The following POU6F2 variants were observed in gnomAD, a reference collection of about 807,000 sequenced individuals.
POU6F2 encodes POU class 6 homeobox 2.
Under a neutral mutation model 71.3 loss-of-function variants are expected in POU6F2, and 31 were observed. That is an observed-to-expected ratio of 0.43 (90% CI 0.33 to 0.59). POU6F2 has a LOEUF of 0.59. Ranked by LOEUF, POU6F2 falls within the 20% of genes least tolerant of loss-of-function variation. The probability of loss-of-function intolerance (pLI) is 0.04; values close to 1 mark genes in which losing one functional copy is unlikely to be tolerated. For synonymous variants in POU6F2, 347 were observed against 355.7 expected (o/e 0.98, Z 0.27); for missense variants, 783 against 856.8 (o/e 0.91, Z 1.07).
chr7:39,141,312 G>T (rs1792495868), intron 2 of POU6F2, among the ~76,000 whole-genome samples: 1 of 152,178 alleles, frequency 6.6e-6, no homozygotes, highest in African/African-American at 2.4e-5. Context: ...TGGGATTTCA[G>T]ATATAAGGAA....
At chr7:39,132,164 G>A (rs748627454) in intron 2 of POU6F2, among the ~76,000 whole-genome samples, 11 of 152,146 alleles carry the variant, frequency 7.2e-5, no homozygotes, top group African/African-American at 2.7e-4. Flanking sequence ...TGAAAGTAAC[G>A]GATAATGACC....
intron 7 of POU6F2, among the ~76,000 whole-genome samples, chr7:39,434,549 A>G (rs1039727871): frequency 3.3e-5 from 5 of 151,972 alleles, no homozygotes; most frequent in Non-Finnish European, 5.9e-5. Context: ...GATGATGGTG[A>G]TGATGATTGT....
chr7:39,045,917 C>A (rs937449719), intron 1 of POU6F2, among the ~76,000 whole-genome samples: 1 of 151,862 alleles, frequency 6.6e-6, no homozygotes, highest in Admixed American at 6.6e-5. Context: ...TGGCTATGAT[C>A]AGGCAGATAC....
chr7:39,453,636 A>G (rs749491464), intron 8 of POU6F2, among the ~76,000 whole-genome samples: 144 of 152,352 alleles, frequency 9.5e-4, no homozygotes, highest in Non-Finnish European at 2.0e-3. Flanking sequence ...GGTTCTCTCT[A>G]GTCACTTGTC....
intron 1 of POU6F2, among the ~76,000 whole-genome samples, chr7:39,072,672 C>T (rs929803269): frequency 1.3e-5 from 2 of 152,180 alleles, no homozygotes; most frequent in African/African-American, 4.8e-5. Context: ...TCCAGCAGTG[C>T]CAATCTTGAA....
At chr7:39,132,185 A>G (rs1441151361) in intron 2 of POU6F2, among the ~76,000 whole-genome samples, 2 of 152,234 alleles carry the variant, frequency 1.3e-5, no homozygotes, top group Admixed American at 1.3e-4. Flanking sequence ...ATAGTTCCAG[A>G]TCAAATGTAA....
chr7:39,154,115 A>G (rs1584571371), intron 2 of POU6F2, among the ~76,000 whole-genome samples: 2 of 152,232 alleles, frequency 1.3e-5, no homozygotes, highest in African/African-American at 2.4e-5. Context: ...TTGTTAGCCA[A>G]ACATTTCAAA....
At chr7:39,376,455 G>A (rs907537825) in intron 5 of POU6F2, among the ~76,000 whole-genome samples, 3 of 152,174 alleles carry the variant, frequency 2.0e-5, no homozygotes, top group Non-Finnish European at 4.4e-5. Context: ...TGGAGAATAA[G>A]GTCTCCAGAA....
chr7:39,071,654 AACACACACAC>A lies in POU6F2; in HGVS notation c.106-14170_106-14161del, dbSNP rs10522287. ...CATGGTGAAACCCCATCTCTAAAGA[AACACACACAC>A]ACACACACACACACACACACACACA... On this transcript the variant is annotated intron_variant, in intron 1 of 9. Transcript: ENST00000518318. 3.2e-3 allele frequency among the ~76,000 whole-genome samples: 461 copies of A among 142,142 alleles called. 1 individual carries two copies. The highest frequency in any genetic ancestry group is 8.5e-3 in the South Asian group (36 of 4,258). The allele number at this position is 142,142 out of a possible 152,430, so 93.3% of individuals were successfully genotyped here.
chr7:39,417,533 T>G (rs1033735663), intron 6 of POU6F2, among the ~76,000 whole-genome samples: 3 of 152,168 alleles, frequency 2.0e-5, no homozygotes, highest in African/African-American at 7.2e-5. Context: ...CCTGAGAAGA[T>G]GTCATCAGGT....
intron 2 of POU6F2, among the ~76,000 whole-genome samples, chr7:39,103,224 T>TGAGAAGTGTTCTAAAA (rs1791612018): frequency 6.6e-6 from 1 of 152,192 alleles, no homozygotes; most frequent in African/African-American, 2.4e-5. Context: ...TTTGTCATTG[T>TGAGAAGTGTTCTAAAA]GAGAAGTGTT....
chr7:39,180,599 C>T (rs1405978617), intron 2 of POU6F2, among the ~76,000 whole-genome samples: 1 of 152,162 alleles, frequency 6.6e-6, no homozygotes, highest in Non-Finnish European at 1.5e-5. Flanking sequence ...CTCCGCTATT[C>T]CCAGTCATTT....
chr7:39,411,009 A>T lies in POU6F2; in HGVS notation c.1113+4269A>T, dbSNP rs1457556353. Among the ~76,000 whole-genome samples the T allele has an allele frequency of 3.3e-5, 5 of 152,204 alleles. 1 individual carries two copies. The highest frequency in any genetic ancestry group is 7.3e-5 in the Non-Finnish European group (5 of 68,042). ...TCCTGAGAATGGCATCAGGCACATA[A>T]TCATCACTCAATAATGCTATCATCC... On this transcript the variant is annotated intron_variant, in intron 6 of 9. Coordinates refer to ENST00000518318, the MANE Select transcript of POU6F2 (RefSeq NM_001370959.1).
intron 4 of POU6F2, among the ~76,000 whole-genome samples, chr7:39,241,775 A>C (rs896148996): frequency 3.3e-5 from 5 of 152,118 alleles, no homozygotes; most frequent in Admixed American, 6.6e-5. Flanking sequence ...CATAAAGCAA[A>C]ATCCACTCTT....
chr7:39,140,858 G>A (rs1480898067), intron 2 of POU6F2, among the ~76,000 whole-genome samples: 1 of 152,186 alleles, frequency 6.6e-6, no homozygotes, highest in African/African-American at 2.4e-5. Flanking sequence ...GTGCAGTGAG[G>A]AGTCACCAGG....
intron 5 of POU6F2, among the ~76,000 whole-genome samples, chr7:39,350,336 CG>C (rs911788172): frequency 1.2e-4 from 18 of 151,934 alleles, no homozygotes; most frequent in African/African-American, 4.1e-4. Context: ...TTTAGGGGTC[CG>C]GGGAGAAGAT....
chr7:39,062,990 G>A (rs1314909279), intron 1 of POU6F2, among the ~76,000 whole-genome samples: 1 of 152,048 alleles, frequency 6.6e-6, no homozygotes, highest in Non-Finnish European at 1.5e-5. Flanking sequence ...GCTTCAGTGA[G>A]CTTCTGGAAT....
At chr7:39,342,187 T>TACA (rs11268662) in intron 5 of POU6F2, among the ~76,000 whole-genome samples, 69,226 of 151,846 alleles carry the variant, frequency 0.46, 16,247 homozygotes, top group East Asian at 0.61. Context: ...ACTGAGAAGA[T>TACA]GTTAAACAAA....
At chr7:39,336,595 C>T (rs1285149392) in intron 4 of POU6F2, among the ~76,000 whole-genome samples, 2 of 152,222 alleles carry the variant, frequency 1.3e-5, no homozygotes, top group African/African-American at 4.8e-5. Flanking sequence ...CTGCTGCTTC[C>T]TTCCTCCTCA....
Sources: allele counts gnomAD v4.1 joint callset (sites outside exome capture counted in the v4.1 genomes callset), GRCh38; gene constraint gnomAD v4.1.1; transcripts MANE v1.5; gene names NCBI Gene and HGNC (gene_info 2026-07-23, HGNC 2026-07-21).